Variants in NUP88 observed in about 807,000 individuals in gnomAD.
NUP88 encodes nucleoporin 88, also known as nuclear pore complex protein Nup88.
A neutral mutation model predicts 93.9 loss-of-function variants in NUP88; 57 were observed. The observed-to-expected ratio is 0.61, with a 90% confidence interval of 0.49 to 0.76. The LOEUF (loss-of-function observed/expected upper bound fraction) is 0.76. Among genes scored for constraint, NUP88 ranks in the 30% least tolerant of loss-of-function variants. NUP88 has a pLI of 0.00. For missense variants in NUP88, 911 were observed against 901.0 expected, an observed-to-expected ratio of 1.01 and a Z score of -0.14; for synonymous variants, 346 against 336.8, an observed-to-expected ratio of 1.03 and a Z score of -0.30.
intron 3 of NUP88, 27 bp downstream of exon 3, chr17:5,413,982 G>A (rs375491449): frequency 1.1e-5 from 17 of 1,609,640 alleles, no homozygotes; most frequent in Non-Finnish European, 1.7e-6. Flanking sequence ...CACTCGCAAG[G>A]CTTCAAGAGA....
At chr17:5,419,311 C>G in intron 1 of NUP88, 43 bp downstream of exon 1, 7 of 1,510,308 alleles carry the variant, frequency 4.6e-6, no homozygotes, top group Non-Finnish European at 6.2e-6. Context: ...AAGACTGGTT[C>G]CGATCCCGGT....
At chr17:5,412,182 C>T (rs1806259) in intron 3 of NUP88, among the ~76,000 whole-genome samples, 66,454 of 152,036 alleles carry the variant, frequency 0.44, 15,285 homozygotes, top group East Asian at 0.84. Flanking sequence ...CCCACCATCT[C>T]CTTTTCCATC....
intron 9 of NUP88, 79 bp from the exon 10 acceptor site, chr17:5,391,741 G>C (rs1912450431): frequency 8.8e-7 from 1 of 1,130,270 alleles, no homozygotes; most frequent in South Asian, 1.3e-5. Flanking sequence ...CAGGTCCGCG[G>C]CCTTCTCAGG....
intron 3 of NUP88, among the ~76,000 whole-genome samples, chr17:5,412,992 C>T (rs1913928566): frequency 6.6e-6 from 1 of 152,140 alleles, no homozygotes; most frequent in South Asian, 2.1e-4. Flanking sequence ...ACAAAAGGGC[C>T]AGGACATAGT....
chr17:5,418,733 C>A (rs1914366605), intron 1 of NUP88, among the ~76,000 whole-genome samples: 1 of 152,162 alleles, frequency 6.6e-6, no homozygotes, highest in Non-Finnish European at 1.5e-5. Context: ...TCTTTTTCAT[C>A]TTTAAGAGAA....
At chr17:5,398,038 C>G (rs2151638788) in intron 8 of NUP88, among the ~76,000 whole-genome samples, 1 of 151,684 alleles carries the variant, frequency 6.6e-6, no homozygotes, top group African/African-American at 2.4e-5. Context: ...TCCCGAGTAG[C>G]TGGGATTACA....
intron 14 of NUP88, 87 bp from the exon 15 acceptor site, chr17:5,387,197 G>T: frequency 6.7e-7 from 1 of 1,499,206 alleles, no homozygotes; most frequent in Non-Finnish European, 9.1e-7. Flanking sequence ...CATGAATCTG[G>T]TGTTTCTGAA....
chr17:5,391,386 A>C (rs767937025), intron 10 of NUP88, 175 bp downstream of exon 10: 1 of 562,736 alleles, frequency 1.8e-6, no homozygotes, highest in African/African-American at 1.9e-5. Flanking sequence ...ACCTACAATG[A>C]AACCTTATAG....
At position 5,394,886 on chromosome 17, in the gene NUP88, C is replaced by A; in HGVS notation, c.1382+5G>T. 1 of 1,602,046 alleles carries A rather than the reference C, an allele frequency of 6.2e-7. No homozygotes were observed. The highest frequency in any genetic ancestry group is 1.1e-5 in the South Asian group (1 of 90,816). ...TCTGATATACAAGGGAGGGAGAGTC[C>A]TTACCTGCAGGGCAATGGCTTCGTA... On this transcript the variant is annotated splice_donor_5th_base_variant and intron_variant, in intron 9 of 16. Transcript: ENST00000573584.
chr17:5,413,106 T>C (rs1213342254), intron 3 of NUP88, among the ~76,000 whole-genome samples: 1 of 152,240 alleles, frequency 6.6e-6, no homozygotes, highest in Admixed American at 6.5e-5. Flanking sequence ...GTCTCCTGAG[T>C]AGCTGGGACT....
chr17:5,416,815 G>A, intron 1 of NUP88, 133 bp from the exon 2 acceptor site: 3 of 663,678 alleles, frequency 4.5e-6, no homozygotes, highest in South Asian at 4.5e-5. Context: ...ACTCACACTT[G>A]TACCATTAAC....
intron 1 of NUP88, 62 bp from the exon 2 acceptor site, chr17:5,416,744 C>A (rs949731070): frequency 1.6e-4 from 205 of 1,318,404 alleles, no homozygotes; most frequent in Non-Finnish European, 2.1e-4. Flanking sequence ...GTGGCAGTTA[C>A]TTGAAATCAC....
At chr17:5,395,051 T>C (rs1244662143) in intron 8 of NUP88, 70 bp from the exon 9 acceptor site, 7 of 939,290 alleles carry the variant, frequency 7.5e-6, no homozygotes, top group Admixed American at 5.3e-5. Context: ...GCTAATGATA[T>C]TGGGTTAAAT....
Position 5,386,189 on chromosome 17 carries a change from G to C in NUP88, c.*17C>G, listed in dbSNP as rs1160240430. 3.1e-6 allele frequency: 5 copies of C among 1,604,488 alleles called. No individual in the cohort carries two copies. In the Middle Eastern group the frequency reaches 5.0e-4, roughly 159 times the overall value. The stretch of plus-strand genomic sequence containing the variant: ...TCAATGGTGTTCAGTTCAGGTGTGA[G>C]TCAGCTCCTGGTGGTGTCAGAAGTT... On this transcript the variant is annotated 3_prime_UTR_variant, in exon 17 of 17. Coordinates refer to ENST00000573584, the MANE Select transcript of NUP88 (RefSeq NM_002532.6).
At chr17:5,413,592 C>T (rs1403471553) in intron 3 of NUP88, among the ~76,000 whole-genome samples, 1 of 152,102 alleles carries the variant, frequency 6.6e-6, no homozygotes, top group East Asian at 1.9e-4. Context: ...CAAACCTGCT[C>T]AATTTAAAAG....
intron 9 of NUP88, among the ~76,000 whole-genome samples, chr17:5,394,414 A>G (rs1023888697): frequency 6.6e-6 from 1 of 152,212 alleles, no homozygotes. Context: ...AACCACATCA[A>G]ATAAACACAG....
chr17:5,413,798 T>C (rs986489877), intron 3 of NUP88, among the ~76,000 whole-genome samples: 26 of 152,204 alleles, frequency 1.7e-4, no homozygotes, highest in African/African-American at 6.0e-4. Flanking sequence ...GGAGAGGAGA[T>C]ACCTGGAGGC....
At chr17:5,396,742 T>A (rs1283253121) in intron 8 of NUP88, among the ~76,000 whole-genome samples, 1 of 152,260 alleles carries the variant, frequency 6.6e-6, no homozygotes, top group Non-Finnish European at 1.5e-5. Context: ...TTTACATTTC[T>A]ATAAGCACTG....
At position 5,385,693 on chromosome 17, in the gene NUP88, G is replaced by C. The variant is rs908457781; in HGVS notation, c.*513C>G. 4.3e-6 allele frequency: 1 copy of C among 231,216 alleles called. No individual in the cohort carries two copies. The highest frequency in any genetic ancestry group is 2.2e-5 in the African/African-American group (1 of 45,250). 14.3% of individuals were successfully genotyped at this position (231,216 alleles called of 1,614,324 possible). ...AGGAAGTGAGCCAGCAGTGGCCTTT[G>C]CAATTGTGGATCTTGAGCTCTGCTC... On this transcript the variant is annotated 3_prime_UTR_variant, in exon 17 of 17. Transcript: ENST00000573584.
Sources: gnomAD v4.1 joint callset for allele counts (sites outside exome capture counted in the v4.1 genomes callset) on GRCh38, gnomAD v4.1.1 for gene constraint, MANE v1.5 for transcripts, NCBI Gene and HGNC (gene_info 2026-07-23, HGNC 2026-07-21) for gene names.